The following CRISP2 variants were observed in gnomAD, a reference collection of about 807,000 sequenced individuals.
CRISP2 encodes cysteine-rich secretory protein 2.
Under a neutral mutation model 31.7 loss-of-function variants are expected in CRISP2, and 29 were observed. That is an observed-to-expected ratio of 0.92 (90% CI 0.68 to 1.25). The LOEUF is 1.25. CRISP2 is among the 50% of genes most tolerant of loss of function. CRISP2 has a pLI of 0.00. For synonymous variants in CRISP2, 111 were observed against 101.4 expected (o/e 1.09, Z -0.57); for missense variants, 318 against 286.5 (o/e 1.11, Z -0.79).
the CRISP2 span, among the ~76,000 whole-genome samples, chr6:49,687,298 TTTA>T: frequency 6.6e-6 from 1 of 152,222 alleles, no homozygotes; most frequent in Non-Finnish European, 1.5e-5. Flanking sequence ...AGTGAAATGT[TTTA>T]TTAATGTATT....
Position 49,692,656 on chromosome 6 carries a change from T to A in CRISP2, c.*117A>T. ...TTCTGTGATGATCTGGGGGAGAAGA[T>A]GCATTGCTCTTTGAAATCAAATTTG... On this transcript the variant is annotated 3_prime_UTR_variant, in exon 10 of 10. Coordinates refer to ENST00000339139, the MANE Select transcript of CRISP2 (RefSeq NM_003296.4). 1 of 926,340 alleles carries A rather than the reference T, an allele frequency of 1.1e-6. No homozygotes were observed. Among genetic ancestry groups the A allele is most frequent in the Non-Finnish European group, 1.6e-6 (1 of 630,508 alleles). The allele number at this position is 926,340 out of a possible 1,614,324, so 57.4% of individuals were successfully genotyped here. A position where few individuals can be genotyped will look rare whatever the true frequency, so the allele number is the denominator to read the frequency against.
intron 4 of CRISP2, among the ~76,000 whole-genome samples, chr6:49,701,719 G>GTATACAT (rs2127410774): frequency 3.5e-5 from 2 of 57,168 alleles, no homozygotes; most frequent in Admixed American, 2.3e-4. Context: ...CATATATAAT[G>GTATACAT]TATATATAAT....
At chr6:49,679,434 G>C in the CRISP2 span, among the ~76,000 whole-genome samples, 500 of 152,186 alleles carry the variant, frequency 3.3e-3, 2 homozygotes, top group Non-Finnish European at 5.2e-3. Context: ...TAAGCAATGT[G>C]ATAAAAATGT....
At chr6:49,683,324 G>A in the CRISP2 span, among the ~76,000 whole-genome samples, 2 of 151,616 alleles carry the variant, frequency 1.3e-5, no homozygotes, top group Admixed American at 6.6e-5. Context: ...ACCCAACCAG[G>A]ACCCTTCAAG....
chr6:49,685,575 A>T, the CRISP2 span, among the ~76,000 whole-genome samples: 2 of 152,198 alleles, frequency 1.3e-5, no homozygotes, highest in Non-Finnish European at 2.9e-5. Flanking sequence ...CTCATTATTC[A>T]TAATGTATTT....
At position 49,692,413 on chromosome 6, in the gene CRISP2, G is replaced by A. The variant is rs1211115725; in HGVS notation, c.*360C>T. ...ATGCAAGTAAAAACTCAGGTAGTAG[G>A]AATGGCAATGATGTTACAGTCTTCT... On this transcript the variant is annotated 3_prime_UTR_variant, in exon 10 of 10. Coordinates refer to ENST00000339139, the MANE Select transcript of CRISP2 (RefSeq NM_003296.4). 1 of 160,428 alleles carries A rather than the reference G, an allele frequency of 6.2e-6. No homozygotes were observed. The highest frequency in any genetic ancestry group is 1.4e-5 in the Non-Finnish European group (1 of 73,690). 9.9% of individuals were successfully genotyped at this position (160,428 alleles called of 1,614,324 possible).
intron 8 of CRISP2, among the ~76,000 whole-genome samples, chr6:49,697,407 G>GGT (rs3056352): frequency 2.6e-5 from 4 of 151,154 alleles, no homozygotes; most frequent in South Asian, 4.2e-4. Context: ...TGTGTGTGGT[G>GGT]GTGTGTGTGT....
chr6:49,690,749 A>G (rs940063277), downstream of CRISP2, among the ~76,000 whole-genome samples: 2 of 152,104 alleles, frequency 1.3e-5, no homozygotes, highest in Non-Finnish European at 2.9e-5. Flanking sequence ...AATCGTCATT[A>G]ACATTTTGAA....
At chr6:49,710,839 T>A (rs950121506) in intron 3 of CRISP2, among the ~76,000 whole-genome samples, 1 of 152,184 alleles carries the variant, frequency 6.6e-6, no homozygotes, top group African/African-American at 2.4e-5. Flanking sequence ...TTGAAAATCA[T>A]GGATAGGCCA....
intron 4 of CRISP2, among the ~76,000 whole-genome samples, chr6:49,701,877 A>G (rs1765961559): frequency 9.9e-6 from 1 of 101,350 alleles, no homozygotes; most frequent in Non-Finnish European, 1.8e-5. Flanking sequence ...TATATTATGT[A>G]TTATATATTA....
chr6:49,697,933 C>T lies in CRISP2; in HGVS notation c.442G>A (p.Val148Ile), dbSNP rs776961548. ...GGACAGTAGGCAATTCCACAGCCTA[C>T]CTGGTAAGTCGAGTACCAAACAAGC... ...TQLVWYSTYQ[V>I]GCGIAYCPNQ... is the part of the protein sequence containing the mutation. The change falls in exon 8 of 10, where the codon GTA becomes ATA. Residue 148 changes from valine (V) to isoleucine (I), a missense_variant. Coordinates refer to ENST00000339139, the MANE Select transcript of CRISP2 (RefSeq NM_003296.4). 3.7e-6 allele frequency: 6 copies of T among 1,607,402 alleles called. No homozygotes were observed. In the South Asian group the frequency reaches 4.5e-5, roughly 12 times the overall value.
chr6:49,708,551 G>A (rs913213201), intron 4 of CRISP2, among the ~76,000 whole-genome samples: 28 of 152,284 alleles, frequency 1.8e-4, no homozygotes, highest in African/African-American at 5.1e-4. Flanking sequence ...ACAAGCCAAG[G>A]AATGCCAAGC....
chr6:49,685,746 G>A, the CRISP2 span, among the ~76,000 whole-genome samples: 5 of 152,078 alleles, frequency 3.3e-5, no homozygotes, highest in East Asian at 7.7e-4. Flanking sequence ...TCATTAGGTC[G>A]GCTGTTTTTT....
At chr6:49,694,265 A>G (rs1022007782) in intron 9 of CRISP2, among the ~76,000 whole-genome samples, 1 of 152,194 alleles carries the variant, frequency 6.6e-6, no homozygotes, top group Non-Finnish European at 1.5e-5. Context: ...GGACTCTCAG[A>G]CCAGGACAGA....
chr6:49,707,594 A>T (rs1219402499), intron 4 of CRISP2, among the ~76,000 whole-genome samples: 1 of 152,194 alleles, frequency 6.6e-6, no homozygotes, highest in East Asian at 1.9e-4. Flanking sequence ...AAGAACAGCA[A>T]ATTATTTGAA....
Position 49,699,911 on chromosome 6 carries a change from A to C in CRISP2, c.184-20T>G. ...CCATTCCTAAACGTCACAAGAAAAC[A>C]AAATACACTTAATGATTCAGCCACA... On this transcript the variant is annotated intron_variant, in intron 5 of 9. Coordinates refer to ENST00000339139, the MANE Select transcript of CRISP2 (RefSeq NM_003296.4). 2 of 1,604,172 alleles carry C rather than the reference A, an allele frequency of 1.2e-6. No individual in the cohort carries two copies. The highest frequency in any genetic ancestry group is 1.7e-6 in the Non-Finnish European group (2 of 1,171,992).
At chr6:49,694,732 ATT>A (rs1377725664) in intron 9 of CRISP2, among the ~76,000 whole-genome samples, 1 of 128,866 alleles carries the variant, frequency 7.8e-6, no homozygotes, top group Non-Finnish European at 1.6e-5. Context: ...GTATTCAACT[ATT>A]TTTTTCTTTT....
At chr6:49,683,009 T>G in the CRISP2 span, among the ~76,000 whole-genome samples, 2 of 151,772 alleles carry the variant, frequency 1.3e-5, no homozygotes, top group Admixed American at 1.3e-4. Context: ...AAAACAAAAA[T>G]TAGCTGGGCA....
the CRISP2 span, among the ~76,000 whole-genome samples, chr6:49,681,180 A>C: frequency 7.9e-5 from 12 of 152,182 alleles, no homozygotes; most frequent in Non-Finnish European, 1.8e-4. Flanking sequence ...ATATGGTCTA[A>C]TGAAGGGGTC....
Sources: gnomAD v4.1 joint callset for allele counts (sites outside exome capture counted in the v4.1 genomes callset) on GRCh38, gnomAD v4.1.1 for gene constraint, MANE v1.5 for transcripts, NCBI Gene and HGNC (gene_info 2026-07-23, HGNC 2026-07-21) for gene names.